NOC3L: variants seen among roughly 807,000 people sequenced by gnomAD.
NOC3L encodes the protein NOC3 like DNA replication regulator.
A neutral mutation model predicts 102.5 loss-of-function variants in NOC3L; 85 were observed. The ratio of observed to expected loss-of-function variants is 0.83; its 90% CI spans 0.70 to 0.99. The LOEUF is 0.99. Among genes scored for constraint, NOC3L ranks in the 50% least tolerant of loss-of-function variants. The pLI is 0.00. For missense variants in NOC3L, 878 were observed against 914.9 expected (o/e 0.96, Z 0.52); for synonymous variants, 303 against 309.4 (o/e 0.98, Z 0.22).
chr10:94,316,552 G>A, the NOC3L span: 5 of 1,604,222 alleles, frequency 3.1e-6, no homozygotes, highest in Non-Finnish European at 4.3e-6. Flanking sequence ...TTTAGATTCT[G>A]ACAAATGAAC....
downstream of NOC3L, chr10:94,331,358 A>G (rs1034585541): frequency 2.0e-5 from 3 of 152,154 alleles, no homozygotes; most frequent in African/African-American, 4.8e-5. Flanking sequence ...TCCTCTTCCA[A>G]TATCTCTATA....
chr10:94,318,282 A>G, the NOC3L span, among the ~76,000 whole-genome samples: 1 of 152,224 alleles, frequency 6.6e-6, no homozygotes, highest in Non-Finnish European at 1.5e-5. Context: ...GCTTAGCTGT[A>G]CTTTTGAAGC....
At chr10:94,322,339 T>G in the NOC3L span, among the ~76,000 whole-genome samples, 2 of 150,778 alleles carry the variant, frequency 1.3e-5, no homozygotes, top group Admixed American at 6.6e-5. Context: ...GATGACAGAG[T>G]GAGGCCCTGT....
intron 18 of NOC3L, 150 bp from the exon 19 acceptor site, chr10:94,338,024 C>G: frequency 2.2e-6 from 1 of 447,564 alleles, no homozygotes; most frequent in Non-Finnish European, 3.9e-6. Context: ...AGCACATACC[C>G]ACAGAAAGAA....
downstream of NOC3L, chr10:94,333,130 A>T (rs2054178512): frequency 2.0e-5 from 3 of 152,178 alleles, no homozygotes. Flanking sequence ...TCTAAGCTCC[A>T]GAGTAAAATA....
At chr10:94,344,570 G>T in intron 12 of NOC3L, 55 bp from the exon 13 acceptor site, 1 of 1,238,118 alleles carries the variant, frequency 8.1e-7, no homozygotes. Context: ...GCTTTCTCCT[G>T]AGTGAGCATA....
intron 8 of NOC3L, among the ~76,000 whole-genome samples, chr10:94,352,069 G>GT (rs2054425769): frequency 1.3e-5 from 2 of 152,254 alleles, no homozygotes; most frequent in East Asian, 1.9e-4. Context: ...ATCCTGGAAG[G>GT]TAAGTACTAT....
intron 13 of NOC3L, among the ~76,000 whole-genome samples, chr10:94,342,644 T>C (rs972371771): frequency 3.5e-5 from 5 of 143,848 alleles, no homozygotes; most frequent in African/African-American, 7.9e-5. Context: ...AATATATCTA[T>C]AAAATGGAGC....
At chr10:94,331,561 A>G (rs532324550), downstream of NOC3L, 1 of 152,336 alleles carries the variant, frequency 6.6e-6, no homozygotes, top group Non-Finnish European at 1.5e-5. Flanking sequence ...CCTGCAGGGA[A>G]AGTGCTCTCA....
chr10:94,360,680 T>C (rs1346274680), intron 2 of NOC3L, among the ~76,000 whole-genome samples: 1 of 152,132 alleles, frequency 6.6e-6, no homozygotes, highest in Non-Finnish European at 1.5e-5. Context: ...ATTTTATGTT[T>C]TAAAATAACT....
intron 2 of NOC3L, among the ~76,000 whole-genome samples, chr10:94,359,248 A>T (rs2054525086): frequency 6.6e-6 from 1 of 152,200 alleles, no homozygotes; most frequent in Admixed American, 6.5e-5. Flanking sequence ...AACATGGTGA[A>T]ACCCCATCTC....
intron 1 of NOC3L, among the ~76,000 whole-genome samples, chr10:94,362,129 G>C (rs1014095710): frequency 6.6e-6 from 1 of 152,206 alleles, no homozygotes; most frequent in African/African-American, 2.4e-5. Context: ...CACTGATCTA[G>C]TAGTGGTAAG....
intron 16 of NOC3L, 127 bp from the exon 17 acceptor site, chr10:94,340,047 G>T: frequency 1.2e-6 from 1 of 827,536 alleles, no homozygotes; most frequent in Non-Finnish European, 1.9e-6. Flanking sequence ...AATCAATGAG[G>T]TAGTGCTATA....
chr10:94,338,727 T>G lies in NOC3L; in HGVS notation c.1972A>C (p.Lys658Gln). Residue 658 changes from lysine (K) to glutamine (Q), a missense_variant, in exon 18 of 21, where the codon AAA (lysine) becomes CAA (glutamine). Transcript: ENST00000371361. ...TTRILMHTFP[K>Q]TDLLLDSESQ... ...TCACTGTCAAGCAGTAGATCTGTTT[T>G]GGGGAAAGTCTGCAAAAATGTCACA... 6.2e-7 allele frequency: 1 copy of G among 1,610,980 alleles called. No homozygotes were observed. Among genetic ancestry groups the G allele is most frequent in the South Asian group, 1.1e-5 (1 of 90,532 alleles).
rs777333728 is a variant in NOC3L, at chr10:94,352,945, G to A, written c.809C>T (p.Thr270Ile). The change falls in exon 7 of 21, where the codon ACT (threonine) becomes ATT (isoleucine). Residue 270 changes from threonine to isoleucine, a missense_variant. Coordinates refer to ENST00000371361, the MANE Select transcript of NOC3L (RefSeq NM_022451.11). ...GAGGGGCCGGATTTTATATGAAGGA[G>A]TAATATCTTTAAATAACTCCATCAG... ...VSLMELFKDITPSYKIRPLTE... is the reference protein window; with the variant it reads ...VSLMELFKDIIPSYKIRPLTE... 6.2e-7 allele frequency: 1 copy of A among 1,613,672 alleles called. No homozygotes were observed. Among genetic ancestry groups the A allele is most frequent in the South Asian group, 1.1e-5 (1 of 91,054 alleles).
Position 94,340,504 on chromosome 10 carries a change from A to G in NOC3L, c.1645-8T>C, listed in dbSNP as rs1240802300. 2.2e-6 allele frequency: 3 copies of G among 1,389,656 alleles called. No individual in the cohort carries two copies. Among genetic ancestry groups the G allele is most frequent in the Admixed American group, 1.9e-5 (1 of 53,924 alleles). 86.1% of individuals were successfully genotyped at this position (1,389,656 alleles called of 1,614,324 possible). On this transcript the variant is annotated splice_polypyrimidine_tract_variant and splice_region_variant and intron_variant, in intron 14 of 20. Coordinates refer to ENST00000371361, the MANE Select transcript of NOC3L (RefSeq NM_022451.11). ...TTCTTGATAGCTTAGGTCCTTTAAAAAAAAAAGGGGGGGGTGAGGGGGATG... is the reference window on the plus strand; with the variant it reads ...TTCTTGATAGCTTAGGTCCTTTAAAGAAAAAAGGGGGGGGTGAGGGGGATG...
At chr10:94,351,224 C>T (rs981930911) in intron 8 of NOC3L, among the ~76,000 whole-genome samples, 3 of 152,000 alleles carry the variant, frequency 2.0e-5, no homozygotes, top group African/African-American at 7.3e-5. Context: ...GAAGCAATAT[C>T]CATACTACCC....
At chr10:94,356,068 T>C (rs2054479645) in intron 5 of NOC3L, among the ~76,000 whole-genome samples, 1 of 152,232 alleles carries the variant, frequency 6.6e-6, no homozygotes. Context: ...AACAATAAAA[T>C]GCATTATTTC....
At chr10:94,347,744 A>C in intron 10 of NOC3L, among the ~76,000 whole-genome samples, 1 of 152,156 alleles carries the variant, frequency 6.6e-6, no homozygotes, top group East Asian at 1.9e-4. Flanking sequence ...TTTACTTAAG[A>C]ACATAAAAGA....
Sources: allele counts gnomAD v4.1 joint callset (sites outside exome capture counted in the v4.1 genomes callset), GRCh38; gene constraint gnomAD v4.1.1; transcripts MANE v1.5; gene names NCBI Gene and HGNC (gene_info 2026-07-23, HGNC 2026-07-21).